GLUD1: variants seen among roughly 807,000 people sequenced by gnomAD.
The protein encoded by GLUD1 is glutamate dehydrogenase 1.
GLUD1 carries 22 observed loss-of-function variants against 56.0 expected under a neutral mutation model. The observed-to-expected ratio is 0.39, with a 90% CI of 0.28 to 0.56. The LOEUF (loss-of-function observed/expected upper bound fraction) is 0.56, where lower values mean the gene tolerates loss of function less well. GLUD1 is among the 20% of genes least tolerant of loss of function. GLUD1 has a pLI of 0.58. For synonymous variants in GLUD1, 223 were observed against 269.9 expected, an observed-to-expected ratio of 0.83 and a Z score of 1.70; for missense variants, 451 against 732.0, an observed-to-expected ratio of 0.62 and a Z score of 4.43.
chr10:87,088,096 C>A (rs536421192), intron 1 of GLUD1, among the ~76,000 whole-genome samples: 20 of 150,662 alleles, frequency 1.3e-4, no homozygotes, highest in African/African-American at 4.6e-4. Context: ...AAAAAACAAA[C>A]AAAAAAACAA....
At position 87,092,607 on chromosome 10, in the gene GLUD1, G is replaced by A. The variant is rs1021423116; in HGVS notation, c.445+1718C>T. The A allele has an allele frequency of 2.4e-5, 24 of 980,584 alleles. No individual in the cohort carries two copies. In the African/African-American group the frequency reaches 4.0e-4, roughly 16 times the overall value. The allele number at this position is 980,584 out of a possible 1,614,324, so 60.7% of individuals were successfully genotyped here. A position where few individuals can be genotyped will look rare whatever the true frequency, so the allele number is the denominator to read the frequency against. On this transcript the variant is annotated intron_variant, in intron 1 of 12. Transcript: ENST00000277865. ...AAACTATGGTAAACGAGTTGCTTCAGTGAGTTTGCGGAGCTGCGACTTATA... is the reference window on the plus strand; with the variant it reads ...AAACTATGGTAAACGAGTTGCTTCAATGAGTTTGCGGAGCTGCGACTTATA...
Position 87,065,149 on chromosome 10 carries a change from T to A in GLUD1, c.742-2314A>T, listed in dbSNP as rs556903038. Among the ~76,000 whole-genome samples the A allele has an allele frequency of 2.0e-5, 3 of 151,766 alleles. No homozygotes were observed. The East Asian group carries it at 5.8e-4, about 30-fold the overall frequency. ...CTACTAAAAATACAAAAAAATTAGC[T>A]GGGCATGGTGGCAGGCACCTGTAAT... On this transcript the variant is annotated intron_variant, in intron 5 of 12. Transcript: ENST00000277865.
At chr10:87,079,642 G>A (rs1332577355) in intron 1 of GLUD1, among the ~76,000 whole-genome samples, 2 of 152,142 alleles carry the variant, frequency 1.3e-5, no homozygotes, top group South Asian at 2.1e-4. Flanking sequence ...CCTAGGATGG[G>A]TGTCACGACT....
chr10:87,063,201 G>T (rs1329571780), intron 5 of GLUD1, among the ~76,000 whole-genome samples: 1 of 152,034 alleles, frequency 6.6e-6, no homozygotes, highest in Non-Finnish European at 1.5e-5. Flanking sequence ...AGCCTCCTGA[G>T]TAGCTGGTAT....
chr10:87,094,396 T>A lies in GLUD1; in HGVS notation c.374A>T (p.Asp125Val). The change falls in exon 1 of 13, where the codon GAC becomes GTC. Residue 125 changes from aspartate (D) to valine (V), a missense_variant. Physicochemically the swap from Asp to Val is radical, Grantham distance 152. This residue lies in a region of GLUD1 where 158 missense variants were observed against 189.7 expected (regional missense o/e 0.83). Coordinates refer to ENST00000277865, the MANE Select transcript of GLUD1 (RefSeq NM_005271.5). The surrounding 1 kb of genome is among the most constrained non-coding windows in gnomAD (Gnocchi z 6.6). ...VLSLSFPIRR[D>V]DGSWEVIEGY... ...TTCGATGACCTCCCAGGAGCCGTCG[T>A]CGCGCCGGATGGGGAAGGAGAGACT... The A allele has an allele frequency of 6.2e-7, 1 of 1,613,328 alleles. No homozygotes were observed. The highest frequency in any genetic ancestry group is 8.5e-7 in the Non-Finnish European group (1 of 1,179,872).
Position 87,094,380 on chromosome 10 carries a change from C to A in GLUD1, c.390G>T (p.Glu130Asp). The change falls in exon 1 of 13, where the codon GAG becomes GAT. Residue 130 changes from glutamate to aspartate, a missense_variant. By Grantham distance (45) the Glu-to-Asp change is conservative (BLOSUM62 2). Coordinates refer to ENST00000277865, the MANE Select transcript of GLUD1 (RefSeq NM_005271.5). This position sits in a 1 kb window ranked among gnomAD's most constrained non-coding sequence, Gnocchi z 6.6. The stretch of plus-strand genomic sequence containing the variant: ...GCTGGGCCCGGTAGCCTTCGATGAC[C>A]TCCCAGGAGCCGTCGTCGCGCCGGA... ...FPIRRDDGSW[E>D]VIEGYRAQHS... 1 of 1,612,936 alleles carries A rather than the reference C, an allele frequency of 6.2e-7. No homozygotes were observed. The highest frequency in any genetic ancestry group is 8.5e-7 in the Non-Finnish European group (1 of 1,179,788).
At position 87,093,936 on chromosome 10, in the gene GLUD1, A is replaced by C. The variant is rs1411344645; in HGVS notation, c.445+389T>G. ...CTTGCATTTAGGGGAGACTCACAAA[A>C]GCCCAAGAACACTGACGAGGCATTA... On this transcript the variant is annotated intron_variant, in intron 1 of 12. Transcript: ENST00000277865. The C allele has an allele frequency of 7.4e-6, 10 of 1,358,272 alleles. No individual in the cohort carries two copies. In the East Asian group the frequency reaches 4.2e-4, roughly 57 times the overall value. The allele number at this position is 1,358,272 out of a possible 1,614,324, so 84.1% of individuals were successfully genotyped here. A position where few individuals can be genotyped will look rare whatever the true frequency, so the allele number is the denominator to read the frequency against.
chr10:87,089,682 T>G, intron 1 of GLUD1: 1 of 981,800 alleles, frequency 1.0e-6, no homozygotes, highest in Non-Finnish European at 1.2e-6. Flanking sequence ...TCTCCTAGTT[T>G]GTCTTCTTGT....
At position 87,062,842 on chromosome 10, in the gene GLUD1, GA is replaced by G. The variant is rs781571791; in HGVS notation, c.742-8del. On this transcript the variant is annotated splice_region_variant and splice_polypyrimidine_tract_variant and intron_variant, in intron 5 of 12. Transcript: ENST00000277865. ...AGGCGTGTGCATTAATATCCTGTAA[GA>G]GGGGGTAATTGAAAGAATGAAATGT... is the stretch of plus-strand genomic sequence containing the variant. The G allele has an allele frequency of 6.8e-6, 11 of 1,612,918 alleles. No individual in the cohort carries two copies. Among genetic ancestry groups the G allele is most frequent in the East Asian group, 4.5e-5 (2 of 44,876 alleles).
intron 1 of GLUD1, among the ~76,000 whole-genome samples, chr10:87,086,441 GCTA>G (rs1841383342): frequency 6.6e-6 from 1 of 151,970 alleles, no homozygotes; most frequent in African/African-American, 2.4e-5. Flanking sequence ...TTCATTCTCT[GCTA>G]TTAACTATAA....
At chr10:87,073,377 C>T (rs903958720) in intron 4 of GLUD1, among the ~76,000 whole-genome samples, 1 of 152,008 alleles carries the variant, frequency 6.6e-6, no homozygotes, top group South Asian at 2.1e-4. Context: ...TGGTCTCGAA[C>T]TTCTGGGCTC....
At chr10:87,074,794 G>A (rs1372570567) in intron 3 of GLUD1, among the ~76,000 whole-genome samples, 180 bp from the exon 4 acceptor site, 2 of 152,100 alleles carry the variant, frequency 1.3e-5, no homozygotes, top group Admixed American at 1.3e-4. Context: ...GATCAAAAAA[G>A]TAGGTTATAA....
chr10:87,084,500 A>C (rs1357798141), intron 1 of GLUD1, among the ~76,000 whole-genome samples: 4 of 152,238 alleles, frequency 2.6e-5, no homozygotes, highest in Non-Finnish European at 5.9e-5. Flanking sequence ...AAAAAGATTC[A>C]GTGAAAACCA....
At chr10:87,053,176 G>C (rs902686109) in intron 12 of GLUD1, among the ~76,000 whole-genome samples, 166 bp downstream of exon 12, 1 of 152,086 alleles carries the variant, frequency 6.6e-6, no homozygotes, top group African/African-American at 2.4e-5. Flanking sequence ...CTAAAAAATT[G>C]CTTATCATCT....
chr10:87,065,119 C>T (rs910734397), intron 5 of GLUD1, among the ~76,000 whole-genome samples: 5 of 151,708 alleles, frequency 3.3e-5, no homozygotes, highest in South Asian at 2.1e-4. Flanking sequence ...GGTGAAACAC[C>T]GTCTCTACTA....
chr10:87,056,505 G>A (rs1433176557), intron 11 of GLUD1, among the ~76,000 whole-genome samples: 3 of 152,064 alleles, frequency 2.0e-5, no homozygotes, highest in Admixed American at 1.3e-4. Context: ...ATGTTGGCCA[G>A]GCTGGTCTTG....
In GLUD1 at chr10:87,064,694, G is replaced by A. The variant is rs573412110; in HGVS notation, c.742-1859C>T. Among the ~76,000 whole-genome samples the A allele has an allele frequency of 3.9e-5, 6 of 152,328 alleles. No homozygotes were observed. The East Asian group carries it at 1.2e-3, about 29-fold the overall frequency. ...GATGAAAGCAAGGAAGAAAAACTCA[G>A]TCTAGTAGAGTGATTAATAGAATTA... On this transcript the variant is annotated intron_variant, in intron 5 of 12. Transcript: ENST00000277865.
intron 1 of GLUD1, among the ~76,000 whole-genome samples, chr10:87,081,112 GA>G (rs1841233828): frequency 6.9e-6 from 1 of 144,148 alleles, no homozygotes; most frequent in Admixed American, 6.8e-5. Context: ...TCCGGGAGGT[GA>G]GGGGGCGCCT....
chr10:87,093,157 C>A (rs1369255606), intron 1 of GLUD1, among the ~76,000 whole-genome samples: 1 of 152,140 alleles, frequency 6.6e-6, no homozygotes, highest in African/African-American at 2.4e-5. Context: ...AAGTTTTTTC[C>A]GGTACAGAGA....
Sources: gnomAD v4.1 joint callset for allele counts (sites outside exome capture counted in the v4.1 genomes callset) on GRCh38, gnomAD v4.1.1 for gene constraint, gnomAD v4.1.1 regional missense constraint, Gnocchi (gnomAD v3.1) non-coding constraint, MANE v1.5 for transcripts, NCBI Gene and HGNC (gene_info 2026-07-23, HGNC 2026-07-21) for gene names.